FLT3: variants seen among roughly 807,000 people sequenced by gnomAD.
The protein encoded by FLT3 is fms related receptor tyrosine kinase 3.
Under a neutral mutation model 126.6 loss-of-function variants are expected in FLT3, and 46 were observed. The observed-to-expected ratio is 0.36, with a 90% confidence interval of 0.29 to 0.46. The LOEUF (loss-of-function observed/expected upper bound fraction) is 0.46. FLT3 is among the 20% of genes least tolerant of loss of function. The pLI, the probability that FLT3 is intolerant of heterozygous loss-of-function variation, is 1.00. For missense variants in FLT3, 1,069 were observed against 1,190.3 expected, an observed-to-expected ratio of 0.90 and a Z score of 1.50; for synonymous variants, 404 against 434.4, an observed-to-expected ratio of 0.93 and a Z score of 0.87.
At chr13:28,017,367 C>T (rs1464189541) in intron 20 of FLT3, among the ~76,000 whole-genome samples, 6 of 151,946 alleles carry the variant, frequency 3.9e-5, no homozygotes, top group African/African-American at 7.3e-5. Context: ...AGACCACAGG[C>T]GTGTGCCACC....
At chr13:28,085,938 C>T (rs2137817637) in intron 1 of FLT3, among the ~76,000 whole-genome samples, 1 of 152,120 alleles carries the variant, frequency 6.6e-6, no homozygotes, top group Non-Finnish European at 1.5e-5. Flanking sequence ...CATGACAAGA[C>T]CCCTTCTTTA....
Position 28,004,184 on chromosome 13 carries a change from G to A in FLT3, c.2860-10C>T. On this transcript the variant is annotated splice_polypyrimidine_tract_variant and intron_variant, in intron 23 of 23. Transcript: ENST00000241453. ...CCACATTCTGATACATCTGAATGTG[G>A]GAAAGAGACAGAACACTGATTACCA... The A allele has an allele frequency of 6.2e-7, 1 of 1,613,774 alleles. No homozygotes were observed. The highest frequency in any genetic ancestry group is 8.5e-7 in the Non-Finnish European group (1 of 1,179,862).
chr13:28,041,771 C>T (rs940786553), intron 9 of FLT3, among the ~76,000 whole-genome samples: 1 of 152,012 alleles, frequency 6.6e-6, no homozygotes, highest in African/African-American at 2.4e-5. Flanking sequence ...AATGGCCAGC[C>T]GGCAGGAGAC....
intron 15 of FLT3, among the ~76,000 whole-genome samples, chr13:28,028,712 A>C (rs933388676): frequency 2.6e-5 from 4 of 152,006 alleles, no homozygotes; most frequent in Non-Finnish European, 5.9e-5. Flanking sequence ...TAAATAAATA[A>C]ATAAACAAAC....
intron 3 of FLT3, among the ~76,000 whole-genome samples, chr13:28,058,221 A>AAC (rs1259663770): frequency 2.0e-4 from 11 of 55,630 alleles, no homozygotes; most frequent in Admixed American, 7.1e-4. Flanking sequence ...AAAAAAAAAC[A>AAC]AAAAAAAAAA....
intron 2 of FLT3, among the ~76,000 whole-genome samples, chr13:28,063,288 G>A (rs1363959036): frequency 1.3e-5 from 2 of 152,122 alleles, no homozygotes; most frequent in Admixed American, 6.5e-5. Context: ...AGACCAGCCT[G>A]GCCAACATGG....
rs35884842 is a variant in FLT3, at chr13:28,028,089, AAGAGAG to A, written c.2053+83_2053+88del. 1.8e-3 allele frequency: 1,040 copies of A among 577,042 alleles called. 1 individual carries two copies. The highest frequency in any genetic ancestry group is 2.9e-3 in the African/African-American group (155 of 53,340). 35.7% of individuals were successfully genotyped at this position (577,042 alleles called of 1,614,324 possible). On this transcript the variant is annotated intron_variant, in intron 16 of 23. Coordinates refer to ENST00000241453, the MANE Select transcript of FLT3 (RefSeq NM_004119.3). ...GACTGAGAAAAGACAAAGAATTAAA[AAGAGAG>A]AGAGAGAGAGAGAGAGCAAACATCC...
intron 1 of FLT3, among the ~76,000 whole-genome samples, chr13:28,090,132 C>T (rs920685412): frequency 6.6e-6 from 1 of 151,820 alleles, no homozygotes; most frequent in Non-Finnish European, 1.5e-5. Flanking sequence ...CCTCCGCCTC[C>T]CAGGTTCAAA....
In FLT3 at chr13:28,054,795, T is replaced by C. The variant is rs115955638; in HGVS notation, c.485-2121A>G. On this transcript the variant is annotated intron_variant, in intron 4 of 23. Transcript: ENST00000241453. ...CATCTGGTACTGCCTGATTCATGAA[T>C]TGCTTTCTGCTCAAATATACTCTTT... is the stretch of plus-strand genomic sequence containing the variant. Among the ~76,000 whole-genome samples, 1,279 of 152,312 alleles carry C rather than the reference T, an allele frequency of 8.4e-3. 20 individuals are homozygous for C. The highest frequency in any genetic ancestry group is 0.029 in the African/African-American group (1,222 of 41,562).
At chr13:28,089,496 C>T (rs1490308979) in intron 1 of FLT3, among the ~76,000 whole-genome samples, 1 of 151,944 alleles carries the variant, frequency 6.6e-6, no homozygotes, top group African/African-American at 2.4e-5. Flanking sequence ...CAAACTGAGG[C>T]CTATCCATAC....
At chr13:28,073,163 A>T (rs1400609523) in intron 1 of FLT3, among the ~76,000 whole-genome samples, 3 of 151,976 alleles carry the variant, frequency 2.0e-5, no homozygotes, top group Non-Finnish European at 2.9e-5. Flanking sequence ...CAACCCAGTA[A>T]AAGCATATCT....
At chr13:28,019,759 G>C (rs1449767488) in intron 19 of FLT3, among the ~76,000 whole-genome samples, 1 of 152,156 alleles carries the variant, frequency 6.6e-6, no homozygotes, top group Admixed American at 6.5e-5. Flanking sequence ...GGTGTCTGCT[G>C]CTGTTGGCCA....
intron 1 of FLT3, among the ~76,000 whole-genome samples, chr13:28,084,053 T>G (rs1878497068): frequency 1.3e-5 from 2 of 152,102 alleles, no homozygotes; most frequent in South Asian, 4.1e-4. Flanking sequence ...AATGGTGTTT[T>G]GCTGTGTTGC....
chr13:28,069,782 G>A (rs1403094745), intron 2 of FLT3, among the ~76,000 whole-genome samples: 4 of 152,048 alleles, frequency 2.6e-5, no homozygotes, highest in East Asian at 1.9e-4. Context: ...CATTTGCATC[G>A]TATTAGGTAT....
intron 12 of FLT3, 93 bp downstream of exon 12, chr13:28,035,402 C>G: frequency 8.5e-7 from 1 of 1,170,552 alleles, no homozygotes. Flanking sequence ...CCTATACTCT[C>G]CTGTAAAATT....
intron 5 of FLT3, 134 bp from the exon 6 acceptor site, chr13:28,050,356 C>T: frequency 1.3e-6 from 1 of 781,176 alleles, no homozygotes; most frequent in Non-Finnish European, 2.0e-6. Flanking sequence ...GTAAACAAGC[C>T]CATATCTATG....
chr13:28,025,427 A>G (rs1292804867), intron 17 of FLT3: 1 of 452,460 alleles, frequency 2.2e-6, no homozygotes, highest in Admixed American at 2.4e-5. Context: ...TGTGAAATTA[A>G]TAAATAGCAA....
Position 28,015,130 on chromosome 13 carries a change from C to T in FLT3, c.2753+27G>A, listed in dbSNP as rs4073630. The T allele has an allele frequency of 0.49, 696,965 of 1,419,534 alleles. 175,492 individuals carry two copies. The highest frequency in any genetic ancestry group is 0.52 in the Admixed American group (29,806 of 57,636). 87.9% of individuals were successfully genotyped at this position (1,419,534 alleles called of 1,614,324 possible). A position where few individuals can be genotyped will look rare whatever the true frequency, so the allele number is the denominator to read the frequency against. On this transcript the variant is annotated intron_variant, in intron 22 of 23. Coordinates refer to ENST00000241453, the MANE Select transcript of FLT3 (RefSeq NM_004119.3). ...ACAGACTGTACCTTTCTGATTTCAA[C>T]CAAATTACAGTCTGACTTGAACTTA...
chr13:28,015,113 T>C (rs1032753793), intron 22 of FLT3, 44 bp downstream of exon 22: 3 of 1,221,140 alleles, frequency 2.5e-6, no homozygotes, highest in African/African-American at 1.5e-5. Context: ...AGACAGACTG[T>C]ACCTTTCTGA....
Sources: allele counts gnomAD v4.1 joint callset (sites outside exome capture counted in the v4.1 genomes callset), GRCh38; gene constraint gnomAD v4.1.1; transcripts MANE v1.5; gene names NCBI Gene and HGNC (gene_info 2026-07-23, HGNC 2026-07-21).